The following VAV3 variants were observed in gnomAD, a reference collection of about 807,000 sequenced individuals.
VAV3 encodes vav guanine nucleotide exchange factor 3, also known as guanine nucleotide exchange factor VAV3.
Under a neutral mutation model 131.2 loss-of-function variants are expected in VAV3, and 94 were observed. The ratio of observed to expected loss-of-function variants is 0.72; its 90% CI spans 0.61 to 0.85. VAV3 has a LOEUF of 0.85. Among genes scored for constraint, VAV3 ranks in the 40% least tolerant of loss-of-function variants. VAV3 has a pLI of 0.00. For synonymous variants in VAV3, 349 were observed against 342.0 expected, an observed-to-expected ratio of 1.02 and a Z score of -0.22; for missense variants, 939 against 1,002.7, an observed-to-expected ratio of 0.94 and a Z score of 0.86.
chr1:107,599,169 CTCTT>C (rs1651638347), intron 24 of VAV3, among the ~76,000 whole-genome samples: 1 of 152,144 alleles, frequency 6.6e-6, no homozygotes, highest in Non-Finnish European at 1.5e-5. Flanking sequence ...CTGCAAAACA[CTCTT>C]TATCACTTCA....
At chr1:107,753,549 T>TGTATATATATATACAC (rs1663908747) in intron 12 of VAV3, among the ~76,000 whole-genome samples, 3 of 82,052 alleles carry the variant, frequency 3.7e-5, no homozygotes, top group Non-Finnish European at 7.6e-5. Context: ...TATATATATA[T>TGTATATATATATACAC]ACACACACAC....
chr1:107,609,361 C>G (rs1219417636), intron 22 of VAV3: 2 of 151,886 alleles, frequency 1.3e-5, no homozygotes, highest in African/African-American at 2.4e-5. Flanking sequence ...TTTTGTTGCT[C>G]TCATATGTTG....
intron 24 of VAV3, among the ~76,000 whole-genome samples, chr1:107,602,184 A>C (rs1651918118): frequency 6.6e-6 from 1 of 152,124 alleles, no homozygotes; most frequent in Admixed American, 6.5e-5. Context: ...CTAAACCTGC[A>C]AACAATTTAC....
chr1:107,815,872 C>T (rs1017325917), intron 2 of VAV3, among the ~76,000 whole-genome samples: 73 of 152,190 alleles, frequency 4.8e-4, no homozygotes, highest in African/African-American at 1.7e-3. Context: ...TTTCCAGACC[C>T]GTGGCGGGGT....
At chr1:107,782,486 A>C (rs72981405) in intron 2 of VAV3, among the ~76,000 whole-genome samples, 3 of 152,136 alleles carry the variant, frequency 2.0e-5, no homozygotes, top group Non-Finnish European at 4.4e-5. Flanking sequence ...GCTGAGACCA[A>C]CTCCTATTTT....
At chr1:107,811,611 G>A (rs1355028588) in intron 2 of VAV3, among the ~76,000 whole-genome samples, 5 of 151,858 alleles carry the variant, frequency 3.3e-5, no homozygotes, top group African/African-American at 7.3e-5. Context: ...TTAAAATATG[G>A]GAAGAAAACA....
chr1:107,786,273 T>A (rs375561630), intron 2 of VAV3, among the ~76,000 whole-genome samples: 5 of 152,336 alleles, frequency 3.3e-5, no homozygotes, highest in African/African-American at 1.2e-4. Context: ...TACTTACTAT[T>A]TTTTGAATCT....
intron 15 of VAV3, among the ~76,000 whole-genome samples, chr1:107,727,060 T>C (rs775516984): frequency 1.3e-5 from 2 of 152,270 alleles, no homozygotes; most frequent in African/African-American, 2.4e-5. Context: ...AGGATTTGAT[T>C]ACATCATTAT....
chr1:107,634,794 C>T (rs562309840), intron 20 of VAV3, among the ~76,000 whole-genome samples: 111 of 151,880 alleles, frequency 7.3e-4, no homozygotes, highest in Middle Eastern at 3.5e-3. Flanking sequence ...CAAACAACCC[C>T]ATGAAAAAGT....
At chr1:107,882,320 T>C (rs1473460962) in intron 1 of VAV3, among the ~76,000 whole-genome samples, 1 of 152,170 alleles carries the variant, frequency 6.6e-6, no homozygotes, top group African/African-American at 2.4e-5. Context: ...AAGTTCTCAG[T>C]AGGACACTTG....
At chr1:107,768,740 G>T (rs971585807) in intron 6 of VAV3, among the ~76,000 whole-genome samples, 2 of 151,990 alleles carry the variant, frequency 1.3e-5, no homozygotes, top group African/African-American at 4.8e-5. Context: ...AAAATAAAAT[G>T]GTTTAGACAA....
At chr1:107,667,016 G>A (rs372756699) in intron 19 of VAV3, among the ~76,000 whole-genome samples, 4 of 152,146 alleles carry the variant, frequency 2.6e-5, no homozygotes, top group East Asian at 1.9e-4. Context: ...TTGTACTGCT[G>A]CCTCTGCTCT....
intron 1 of VAV3, among the ~76,000 whole-genome samples, chr1:107,898,319 G>A (rs1033396167): frequency 1.3e-5 from 2 of 152,090 alleles, no homozygotes; most frequent in Non-Finnish European, 2.9e-5. Flanking sequence ...TTTATAAATA[G>A]AAGAATTCTA....
intron 2 of VAV3, among the ~76,000 whole-genome samples, chr1:107,838,249 A>G (rs577260287): frequency 7.2e-5 from 11 of 152,322 alleles, no homozygotes; most frequent in Admixed American, 1.3e-4. Flanking sequence ...TCAGGAACTT[A>G]AATAAATCAA....
At chr1:107,884,713 G>A (rs1284400182) in intron 1 of VAV3, among the ~76,000 whole-genome samples, 1 of 151,576 alleles carries the variant, frequency 6.6e-6, no homozygotes, top group African/African-American at 2.4e-5. Context: ...ACCTCCCAAA[G>A]TGCTGGGATT....
At chr1:107,673,637 T>C (rs1385608486) in intron 19 of VAV3, 1 of 152,216 alleles carries the variant, frequency 6.6e-6, no homozygotes, top group Non-Finnish European at 1.5e-5. Flanking sequence ...ACACATCTTG[T>C]TCATTCTTGT....
intron 17 of VAV3, among the ~76,000 whole-genome samples, chr1:107,702,469 A>T (rs1169590021): frequency 6.6e-6 from 1 of 152,196 alleles, no homozygotes; most frequent in Admixed American, 6.5e-5. Flanking sequence ...CCCAAGGAGT[A>T]AATTGTGAAG....
intron 9 of VAV3, among the ~76,000 whole-genome samples, chr1:107,761,706 ACTCT>A (rs752954188): frequency 2.0e-5 from 3 of 152,004 alleles, no homozygotes; most frequent in Non-Finnish European, 4.4e-5. Context: ...AATTGGGTGT[ACTCT>A]CTCTCTGTCT....
intron 1 of VAV3, among the ~76,000 whole-genome samples, chr1:107,882,023 T>A (rs984261404): frequency 6.0e-5 from 9 of 151,228 alleles, no homozygotes; most frequent in Non-Finnish European, 1.3e-4. Flanking sequence ...GCAAACAGGA[T>A]GGCTTCCCTT....
Sources: gnomAD v4.1 joint callset for allele counts (sites outside exome capture counted in the v4.1 genomes callset) on GRCh38, gnomAD v4.1.1 for gene constraint, MANE v1.5 for transcripts, NCBI Gene and HGNC (gene_info 2026-07-23, HGNC 2026-07-21) for gene names.